Variants in INTS13 observed in about 807,000 individuals in gnomAD.
The protein encoded by INTS13 is integrator complex subunit 13, also known as asunder, spermatogenesis regulator homolog (Drosphila).
In INTS13, 35 loss-of-function variants were observed where a neutral mutation model predicts 90.2. The observed-to-expected ratio is 0.39, with a 90% CI of 0.30 to 0.51. INTS13 has a LOEUF of 0.51. Among genes scored for constraint, INTS13 ranks in the 20% least tolerant of loss-of-function variants. The pLI is 0.80. For synonymous variants in INTS13, 309 were observed against 277.1 expected (o/e 1.11, Z -1.14); for missense variants, 601 against 851.2 (o/e 0.71, Z 3.66).
At chr12:26,921,037 T>G (rs1952105748) in intron 8 of INTS13, among the ~76,000 whole-genome samples, 1 of 152,244 alleles carries the variant, frequency 6.6e-6, no homozygotes, top group Non-Finnish European at 1.5e-5. Context: ...AAAATGACCT[T>G]CAACATCTTA....
chr12:26,924,433 A>T lies in INTS13; in HGVS notation c.726T>A (p.His242Gln), dbSNP rs1252481502. The T allele has an allele frequency of 6.2e-7, 1 of 1,613,518 alleles. No individual in the cohort carries two copies. Among genetic ancestry groups the T allele is most frequent in the African/African-American group, 1.3e-5 (1 of 75,028 alleles). Reference sequence around the variant, plus strand: ...CTAAAATATTCAATTTGGTAGCAAGATGCCGTCCTGCACGAACACTATGAA... The same window carrying T: ...CTAAAATATTCAATTTGGTAGCAAGTTGCCGTCCTGCACGAACACTATGAA... ...SEVHSVRAGR[H>Q]LATKLNILVQ... The change falls in exon 7 of 17, where the codon CAT (histidine) becomes CAA (glutamine). Residue 242 changes from histidine (H) to glutamine (Q), a missense_variant. Physicochemically the swap from His to Gln is conservative, Grantham distance 24 (BLOSUM62 0). This residue lies in a region of INTS13 where 284 missense variants were observed against 387.7 expected (regional missense o/e 0.73). Coordinates refer to ENST00000261191, the MANE Select transcript of INTS13 (RefSeq NM_018164.3).
At chr12:26,919,833 G>C (rs1475948062) in intron 8 of INTS13, among the ~76,000 whole-genome samples, 1 of 152,064 alleles carries the variant, frequency 6.6e-6, no homozygotes, top group East Asian at 1.9e-4. Context: ...AGAATATAAA[G>C]ATCTGGAATT....
At position 26,936,667 on chromosome 12, in the gene INTS13, G is replaced by A; in HGVS notation, c.137C>T (p.Pro46Leu). The change falls in exon 2 of 17, where the codon CCC (proline) becomes CTC (leucine). Residue 46 changes from proline (P) to leucine (L), a missense_variant. Coordinates refer to ENST00000261191, the MANE Select transcript of INTS13 (RefSeq NM_018164.3). ...GCAAGTCCACAATGATTTAGATATG[G>A]GGGCCAAAGGAATGATTCCTTGGGT... ...NRTQGIIPLA[P>L]ISKSLWTCSV... The A allele has an allele frequency of 1.2e-6, 2 of 1,613,522 alleles. No homozygotes were observed.
At position 26,928,303 on chromosome 12, in the gene INTS13, T is replaced by C. The variant is rs756554767; in HGVS notation, c.504-18A>G. The C allele has an allele frequency of 7.9e-5, 126 of 1,587,330 alleles. 1 individual carries two copies. In the South Asian group the frequency reaches 1.1e-3, roughly 14 times the overall value. On this transcript the variant is annotated intron_variant, in intron 4 of 16. Coordinates refer to ENST00000261191, the MANE Select transcript of INTS13 (RefSeq NM_018164.3). ...GACTATCACTATGGCATAAAAAAGA[T>C]ATAGCAAATTTAAAGGAATAAACAG...
chr12:26,936,496 T>C (rs1367826167), intron 2 of INTS13, 83 bp downstream of exon 2: 3 of 1,004,436 alleles, frequency 3.0e-6, no homozygotes, highest in Admixed American at 2.3e-5. Context: ...ACAGTCATTA[T>C]CTATAGCAAA....
At chr12:26,932,985 T>A (rs954582973) in intron 3 of INTS13, among the ~76,000 whole-genome samples, 2 of 152,150 alleles carry the variant, frequency 1.3e-5, no homozygotes, top group African/African-American at 4.8e-5. Context: ...AAAAAAGAAC[T>A]GTGAGAACAC....
chr12:26,921,666 T>C (rs1389532382), intron 8 of INTS13, among the ~76,000 whole-genome samples: 1 of 152,180 alleles, frequency 6.6e-6, no homozygotes, highest in Non-Finnish European at 1.5e-5. Flanking sequence ...GATATATATG[T>C]ATTTTTTGAG....
intron 5 of INTS13, among the ~76,000 whole-genome samples, chr12:26,927,522 GC>G (rs1427703100): frequency 2.6e-5 from 4 of 152,128 alleles, no homozygotes; most frequent in Non-Finnish European, 4.4e-5. Flanking sequence ...GTCACACAAT[GC>G]AACTACTTAT....
At chr12:26,924,278 C>T in intron 7 of INTS13, 77 bp downstream of exon 7, 1 of 1,491,222 alleles carries the variant, frequency 6.7e-7, no homozygotes. Flanking sequence ...CAGGCATGAG[C>T]TACCACGCCT....
intron 16 of INTS13, 141 bp downstream of exon 16, chr12:26,906,161 A>G: frequency 1.3e-6 from 1 of 776,730 alleles, no homozygotes; most frequent in East Asian, 2.7e-5. Context: ...CAAAGAGGTT[A>G]ATTTTTTCTG....
In INTS13 at chr12:26,928,868, G is replaced by C; in HGVS notation, c.338C>G (p.Pro113Arg). ...AALAAVGPPN[P>R]RADPECCSIL... Reference sequence around the variant, plus strand: ...ACTGCAGCACTCTGGATCTGCCCGAGGATTAGGAGGCCCAACAGCGGCTAA... The same window carrying C: ...ACTGCAGCACTCTGGATCTGCCCGACGATTAGGAGGCCCAACAGCGGCTAA... Residue 113 changes from proline (P) to arginine (R), a missense_variant, in exon 4 of 17, where the codon CCT (proline) becomes CGT (arginine). This residue lies in a region of INTS13 where 284 missense variants were observed against 387.7 expected (regional missense o/e 0.73). Coordinates refer to ENST00000261191, the MANE Select transcript of INTS13 (RefSeq NM_018164.3). The C allele has an allele frequency of 6.2e-7, 1 of 1,614,182 alleles. No homozygotes were observed. Among genetic ancestry groups the C allele is most frequent in the Non-Finnish European group, 8.5e-7 (1 of 1,180,044 alleles).
intron 9 of INTS13, 75 bp from the exon 10 acceptor site, chr12:26,917,516 T>C: frequency 8.2e-7 from 1 of 1,220,504 alleles, no homozygotes; most frequent in Non-Finnish European, 1.2e-6. Flanking sequence ...AAAAAAAAAC[T>C]TCTTCACTGA....
chr12:26,905,645 C>T, intron 16 of INTS13, 109 bp from the exon 17 acceptor site: 1 of 1,073,470 alleles, frequency 9.3e-7, no homozygotes, highest in South Asian at 1.5e-5. Flanking sequence ...CAGAACAGAA[C>T]ATCAGCATTT....
chr12:26,919,379 A>G (rs1214940152), intron 8 of INTS13, among the ~76,000 whole-genome samples: 1 of 152,112 alleles, frequency 6.6e-6, no homozygotes, highest in Admixed American at 6.6e-5. Context: ...TAAGACATTT[A>G]AACAGCTCTG....
chr12:26,918,744 A>C (rs1038454748), intron 8 of INTS13, among the ~76,000 whole-genome samples: 5 of 152,244 alleles, frequency 3.3e-5, no homozygotes, highest in African/African-American at 1.2e-4. Flanking sequence ...TAAAGCTGAC[A>C]AGGCTTTGAA....
intron 1 of INTS13, among the ~76,000 whole-genome samples, chr12:26,937,331 G>C (rs956068073): frequency 6.6e-6 from 1 of 152,030 alleles, no homozygotes; most frequent in African/African-American, 2.4e-5. Context: ...CCAAAACAAA[G>C]ATAAACATCT....
intron 6 of INTS13, among the ~76,000 whole-genome samples, chr12:26,925,197 G>C (rs1426747850): frequency 6.6e-6 from 1 of 151,974 alleles, no homozygotes; most frequent in Non-Finnish European, 1.5e-5. Flanking sequence ...TACTAGCGAT[G>C]TTTATATTAA....
chr12:26,915,338 C>T (rs957616673), intron 11 of INTS13, among the ~76,000 whole-genome samples: 7 of 152,076 alleles, frequency 4.6e-5, no homozygotes, highest in South Asian at 4.1e-4. Context: ...TGTTTTTTTA[C>T]GATATCTATA....
chr12:26,915,366 A>G (rs1234607411), intron 11 of INTS13, among the ~76,000 whole-genome samples: 3 of 152,208 alleles, frequency 2.0e-5, no homozygotes, highest in Non-Finnish European at 2.9e-5. Context: ...AATTTTCTAC[A>G]ATAAATATTG....
Sources: allele counts gnomAD v4.1 joint callset (sites outside exome capture counted in the v4.1 genomes callset), GRCh38; gene constraint gnomAD v4.1.1; regional missense constraint gnomAD v4.1.1; transcripts MANE v1.5; gene names NCBI Gene and HGNC (gene_info 2026-07-23, HGNC 2026-07-21).